Variants in LDLRAD4 observed in about 807,000 individuals in gnomAD.
The protein encoded by LDLRAD4 is low-density lipoprotein receptor class A domain-containing protein 4.
In LDLRAD4, 5 loss-of-function variants were observed where a neutral mutation model predicts 17.0. That is an observed-to-expected ratio of 0.29 (90% CI 0.15 to 0.62). The LOEUF is 0.62. Ranked by LOEUF, LDLRAD4 falls within the 20% of genes least tolerant of loss-of-function variation. The pLI is 0.84. For synonymous variants in LDLRAD4, 168 were observed against 171.8 expected, an observed-to-expected ratio of 0.98 and a Z score of 0.17; for missense variants, 340 against 424.7, an observed-to-expected ratio of 0.80 and a Z score of 1.75.
intron 1 of LDLRAD4, among the ~76,000 whole-genome samples, chr18:13,268,148 C>T (rs1272857080): frequency 6.6e-6 from 1 of 152,170 alleles, no homozygotes; most frequent in African/African-American, 2.4e-5. Context: ...TTTCCTGTCC[C>T]AGGGCAGAAT....
chr18:13,403,304 G>A (rs1415333158), intron 2 of LDLRAD4, among the ~76,000 whole-genome samples: 1 of 152,132 alleles, frequency 6.6e-6, no homozygotes, highest in African/African-American at 2.4e-5. Context: ...AATAATAACT[G>A]TTCTTTTGTG....
intron 3 of LDLRAD4, among the ~76,000 whole-genome samples, chr18:13,531,373 G>A (rs1199171185): frequency 1.3e-5 from 2 of 151,756 alleles, no homozygotes; most frequent in African/African-American, 4.9e-5. Context: ...ACTTTGGGAG[G>A]CAAATGCAGG....
chr18:13,393,830 G>C lies in LDLRAD4; in HGVS notation c.40+6068G>C, dbSNP rs2086460337. On this transcript the variant is annotated intron_variant, in intron 2 of 5. Transcript: ENST00000359446. The stretch of plus-strand genomic sequence containing the variant: ...TGTTGTGACCAAAGTTCCTGACACA[G>C]TGACTGTGAGCCCACCCATCAATCA... Among the ~76,000 whole-genome samples, 3 of 152,196 alleles carry C rather than the reference G, an allele frequency of 2.0e-5. No homozygotes were observed. The South Asian group carries it at 6.2e-4, about 32-fold the overall frequency.
In LDLRAD4 at chr18:13,511,545, T is replaced by C. The variant is rs1046715746; in HGVS notation, c.181+73161T>C. 5.9e-5 allele frequency among the ~76,000 whole-genome samples: 9 copies of C among 152,190 alleles called. 1 individual carries two copies. The highest frequency in any genetic ancestry group is 5.2e-4 in the Admixed American group (8 of 15,280). On this transcript the variant is annotated intron_variant, in intron 3 of 5. Transcript: ENST00000359446. Reference sequence around the variant, plus strand: ...TAAATAGTCACACAGGTTATCAGTGTACTATTAATAGAAAATGGGCATATT... The same window carrying C: ...TAAATAGTCACACAGGTTATCAGTGCACTATTAATAGAAAATGGGCATATT...
chr18:13,577,778 A>G (rs1433587504), intron 3 of LDLRAD4, among the ~76,000 whole-genome samples: 3 of 152,144 alleles, frequency 2.0e-5, no homozygotes, highest in Non-Finnish European at 2.9e-5. Flanking sequence ...TGGCCATGTG[A>G]GGCGTACCTC....
intron 2 of LDLRAD4, among the ~76,000 whole-genome samples, chr18:13,417,851 G>T (rs1323210962): frequency 6.6e-6 from 1 of 152,134 alleles, no homozygotes; most frequent in African/African-American, 2.4e-5. Flanking sequence ...TTGTGTGTGT[G>T]TGTGGTTTGT....
chr18:13,279,373 G>A (rs1407679913), intron 1 of LDLRAD4: 4 of 152,236 alleles, frequency 2.6e-5, no homozygotes, highest in African/African-American at 9.6e-5. Flanking sequence ...TTTGAAGTGG[G>A]CGGCGGCAGC....
chr18:13,525,939 G>A (rs145140896), intron 3 of LDLRAD4: 60 of 152,346 alleles, frequency 3.9e-4, no homozygotes, highest in African/African-American at 1.4e-3. Context: ...GTGTGTCTAT[G>A]TGAGGTTTCT....
At chr18:13,456,764 A>AC (rs1380438203) in intron 3 of LDLRAD4, among the ~76,000 whole-genome samples, 1 of 152,266 alleles carries the variant, frequency 6.6e-6, no homozygotes, top group Non-Finnish European at 1.5e-5. Context: ...GCAGACATGA[A>AC]CCAATGTATG....
chr18:13,535,519 A>C (rs761782108), intron 3 of LDLRAD4, among the ~76,000 whole-genome samples: 2 of 152,098 alleles, frequency 1.3e-5, no homozygotes, highest in African/African-American at 4.8e-5. Context: ...TGGGTTGTCT[A>C]TTGATTTGTA....
At chr18:13,230,015 A>C (rs2041993844) in intron 1 of LDLRAD4, among the ~76,000 whole-genome samples, 1 of 152,092 alleles carries the variant, frequency 6.6e-6, no homozygotes, top group Non-Finnish European at 1.5e-5. Flanking sequence ...TTGAAACATA[A>C]CTCCACTGTG....
chr18:13,641,924 A>G, intron 4 of LDLRAD4: 1 of 985,406 alleles, frequency 1.0e-6, no homozygotes, highest in Non-Finnish European at 1.2e-6. Context: ...GTTCCTGGCT[A>G]CGGCTGACTG....
chr18:13,434,248 G>GTTT (rs11422247), intron 2 of LDLRAD4, among the ~76,000 whole-genome samples: 146 of 147,264 alleles, frequency 9.9e-4, no homozygotes, highest in Non-Finnish European at 1.7e-3. Flanking sequence ...TTTCTCCTAA[G>GTTT]TTTTTTTTTT....
At chr18:13,337,660 C>G (rs1038989934) in intron 1 of LDLRAD4, among the ~76,000 whole-genome samples, 12 of 150,634 alleles carry the variant, frequency 8.0e-5, no homozygotes, top group African/African-American at 3.0e-4. Context: ...ACTTGGGAGG[C>G]CAAGGTGGTA....
chr18:13,598,033 T>G (rs967302398), intron 3 of LDLRAD4, among the ~76,000 whole-genome samples: 2 of 152,192 alleles, frequency 1.3e-5, no homozygotes, highest in Admixed American at 6.5e-5. Flanking sequence ...CTCCCACAGG[T>G]AGTTTCTATT....
At position 13,392,497 on chromosome 18, in the gene LDLRAD4, C is replaced by G. The variant is rs2086349759; in HGVS notation, c.40+4735C>G. Among the ~76,000 whole-genome samples, 6 of 152,320 alleles carry G rather than the reference C, an allele frequency of 3.9e-5. No homozygotes were observed. In the South Asian group the frequency reaches 8.3e-4, roughly 21 times the overall value. On this transcript the variant is annotated intron_variant, in intron 2 of 5. Transcript: ENST00000359446. ...AAAACAAACCCCCAGTTCCTCTGAGCAGAGGGAAGCAGGGACCCTTCCGGG... is the reference window on the plus strand; with the variant it reads ...AAAACAAACCCCCAGTTCCTCTGAGGAGAGGGAAGCAGGGACCCTTCCGGG...
chr18:13,418,573 GTTTTATGTGTTCAACTT>G (rs2089153491), intron 2 of LDLRAD4, among the ~76,000 whole-genome samples: 1 of 152,158 alleles, frequency 6.6e-6, no homozygotes, highest in Non-Finnish European at 1.5e-5. Context: ...CAGCCCTTGG[GTTTTATGTGTTCAACTT>G]TCGACCAACC....
At position 13,339,672 on chromosome 18, in the gene LDLRAD4, T is replaced by C. The variant is rs902251699; in HGVS notation, c.-382-47669T>C. On this transcript the variant is annotated intron_variant, in intron 1 of 5. Transcript: ENST00000359446. ...TTATAGAAATGGTAATAAAATATTA[T>C]GGAGAACAGTTTGAAAAGAGAGAAT... Among the ~76,000 whole-genome samples, 4 of 152,300 alleles carry C rather than the reference T, an allele frequency of 2.6e-5. No homozygotes were observed. The East Asian group carries it at 5.8e-4, about 22-fold the overall frequency.
chr18:13,500,614 G>A (rs1304549247), intron 3 of LDLRAD4: 2 of 152,198 alleles, frequency 1.3e-5, no homozygotes, highest in African/African-American at 4.8e-5. Flanking sequence ...TTCAGTTCCT[G>A]ACTCCCAGAA....
Sources: allele counts gnomAD v4.1 joint callset (sites outside exome capture counted in the v4.1 genomes callset), GRCh38; gene constraint gnomAD v4.1.1; transcripts MANE v1.5; gene names NCBI Gene and HGNC (gene_info 2026-07-23, HGNC 2026-07-21).